Variants in DTHD1 observed in about 807,000 individuals in gnomAD.
DTHD1 encodes the protein death domain-containing protein 1.
In DTHD1, 59 loss-of-function variants were observed where a neutral mutation model predicts 74.8. The observed-to-expected ratio is 0.79, with a 90% CI of 0.64 to 0.98. The LOEUF (loss-of-function observed/expected upper bound fraction) is 0.98, where lower values mean the gene tolerates loss of function less well. Among genes scored for constraint, DTHD1 ranks in the 50% least tolerant of loss-of-function variants. DTHD1 has a pLI of 0.00. For missense variants in DTHD1, 1,051 were observed against 1,065.4 expected, an observed-to-expected ratio of 0.99 and a Z score of 0.19; for synonymous variants, 365 against 371.1, an observed-to-expected ratio of 0.98 and a Z score of 0.19.
rs1386542708 is a variant in DTHD1 at position 36,343,659 on chromosome 4, T to C, written c.2556T>C (p.Leu852=). 1.9e-6 allele frequency: 3 copies of C among 1,551,862 alleles called. No homozygotes were observed. The highest frequency in any genetic ancestry group is 2.6e-6 in the Non-Finnish European group (3 of 1,146,964). The change falls in exon 10 of 10, where the codon CTT becomes CTC. Residue 852 remains leucine, a synonymous_variant. Coordinates refer to ENST00000639862, the MANE Select transcript of DTHD1 (RefSeq NM_001170700.3). Reference sequence around the variant, plus strand: ...TCACAGAACAGATCCACGAGTTTCTTTGCTTCTGGAAAAAATCGCTTCCAA... The same window carrying C: ...TCACAGAACAGATCCACGAGTTTCTCTGCTTCTGGAAAAAATCGCTTCCAA... ...DDLTEQIHEF[L]CFWKKSLPTF... is the part of the protein sequence containing the mutation.
chr4:36,286,196 A>G (rs1755701375), intron 2 of DTHD1, among the ~76,000 whole-genome samples: 1 of 152,210 alleles, frequency 6.6e-6, no homozygotes, highest in Non-Finnish European at 1.5e-5. Context: ...AACAACTGCT[A>G]AAGTAGTCTA....
Position 36,294,928 on chromosome 4 carries a change from T to G in DTHD1, c.1532T>G (p.Leu511Trp), listed in dbSNP as rs746352706. 1.9e-4 allele frequency: 290 copies of G among 1,551,836 alleles called. No individual in the cohort carries two copies. Among genetic ancestry groups the G allele is most frequent in the Non-Finnish European group, 2.3e-4 (269 of 1,146,836 alleles). ...TATCCTTTTCAGAAGCCAGTCACTT[T>G]GTTTTTACCTTGTTCTCCATACCTT... ...STYPFQKPVT[L>W]FLPCSPYLDK... The change falls in exon 5 of 10, where the codon TTG (leucine) becomes TGG (tryptophan). Residue 511 changes from leucine (L) to tryptophan (W), a missense_variant. Leu to Trp is a moderately conservative substitution (Grantham distance 61). Transcript: ENST00000639862.
chr4:36,306,850 T>A (rs980968137), intron 6 of DTHD1, among the ~76,000 whole-genome samples: 1 of 152,184 alleles, frequency 6.6e-6, no homozygotes, highest in South Asian at 2.1e-4. Context: ...TATTTCATAA[T>A]GGGAAGTTTT....
At chr4:36,320,119 AT>A (rs917912202) in intron 8 of DTHD1, among the ~76,000 whole-genome samples, 1 of 151,232 alleles carries the variant, frequency 6.6e-6, no homozygotes, top group Non-Finnish European at 1.5e-5. Flanking sequence ...TTTCTGAAAT[AT>A]TTTTTTTTCT....
chr4:36,344,117 G>T lies in DTHD1; in HGVS notation c.*293G>T, dbSNP rs1759474249. 2 of 307,160 alleles carry T rather than the reference G, an allele frequency of 6.5e-6. No homozygotes were observed. Among genetic ancestry groups the T allele is most frequent in the East Asian group, 6.0e-5 (1 of 16,562 alleles). 19.0% of individuals were successfully genotyped at this position (307,160 alleles called of 1,614,324 possible). ...AGTTTGACTTGTTCACATTTTAAAA[G>T]CTAAGTGTGAAGAAAAGATCTGATA... On this transcript the variant is annotated 3_prime_UTR_variant, in exon 10 of 10. Transcript: ENST00000639862.
At position 36,308,403 on chromosome 4, in the gene DTHD1, T is replaced by C; in HGVS notation, c.2005T>C (p.Phe669Leu). The change falls in exon 7 of 10, where the codon TTT (phenylalanine) becomes CTT (leucine). Residue 669 changes from phenylalanine to leucine, a missense_variant. Coordinates refer to ENST00000639862, the MANE Select transcript of DTHD1 (RefSeq NM_001170700.3). ...GCTTAAGGACCTGCACTTGGAAGGG[T>C]TTGGAGGACCTCCAGAGCCATCTCG... is the stretch of plus-strand genomic sequence containing the variant. Reference protein sequence around the residue: ...QVLKDLHLEGFGGPPEPSRHF... With the variant: ...QVLKDLHLEGLGGPPEPSRHF... 6.4e-7 allele frequency: 1 copy of C among 1,551,838 alleles called. No homozygotes were observed. Among genetic ancestry groups the C allele is most frequent in the East Asian group, 2.4e-5 (1 of 40,928 alleles).
At chr4:36,319,524 A>G (rs1757939498) in intron 8 of DTHD1, among the ~76,000 whole-genome samples, 2 of 152,192 alleles carry the variant, frequency 1.3e-5, no homozygotes, top group Admixed American at 1.3e-4. Flanking sequence ...AGAAAGCCTC[A>G]CGTTGCTTTG....
intron 8 of DTHD1, among the ~76,000 whole-genome samples, chr4:36,326,941 C>T (rs1454529107): frequency 6.6e-6 from 1 of 151,264 alleles, no homozygotes; most frequent in Non-Finnish European, 1.5e-5. Flanking sequence ...AAAAGCCAAA[C>T]CAAAACAAGG....
intron 8 of DTHD1, among the ~76,000 whole-genome samples, chr4:36,337,134 G>A (rs978824207): frequency 2.6e-5 from 4 of 152,162 alleles, no homozygotes; most frequent in African/African-American, 7.2e-5. Flanking sequence ...TGTGCAAAGC[G>A]AAAAGAGGGC....
chr4:36,313,464 CT>C (rs1266233075), intron 7 of DTHD1, among the ~76,000 whole-genome samples: 1 of 147,960 alleles, frequency 6.8e-6, no homozygotes, highest in East Asian at 2.0e-4. Flanking sequence ...TGCCACTTCT[CT>C]TTTTTTGGAT....
intron 8 of DTHD1, among the ~76,000 whole-genome samples, chr4:36,328,940 T>A (rs1360406733): frequency 6.6e-6 from 1 of 152,224 alleles, no homozygotes; most frequent in Non-Finnish European, 1.5e-5. Flanking sequence ...GGCCCTGTCA[T>A]TTGTAGACAT....
intron 7 of DTHD1, among the ~76,000 whole-genome samples, chr4:36,310,036 CT>C (rs1481304265): frequency 6.6e-6 from 1 of 152,100 alleles, no homozygotes; most frequent in Admixed American, 6.6e-5. Context: ...TGATTTTGTT[CT>C]TTTTTGTGGC....
In DTHD1 at chr4:36,281,739, T is replaced by C; in HGVS notation, c.-20T>C. On this transcript the variant is annotated 5_prime_UTR_variant, in exon 1 of 10. Coordinates refer to ENST00000639862, the MANE Select transcript of DTHD1 (RefSeq NM_001170700.3). ...TAGGCTTTGCTGGCAGGAGAGAAAA[T>C]ACCACTTTTGGATCATAAAATGGAT... is the stretch of plus-strand genomic sequence containing the variant. The C allele has an allele frequency of 8.1e-7, 1 of 1,234,994 alleles. No individual in the cohort carries two copies. Among genetic ancestry groups the C allele is most frequent in the South Asian group, 4.1e-5 (1 of 24,516 alleles). 76.5% of individuals were successfully genotyped at this position (1,234,994 alleles called of 1,614,324 possible).
intron 5 of DTHD1, among the ~76,000 whole-genome samples, chr4:36,299,112 C>A (rs1334801183): frequency 6.6e-6 from 1 of 152,084 alleles, no homozygotes; most frequent in African/African-American, 2.4e-5. Context: ...AACCACTATT[C>A]TGAAATTTTC....
chr4:36,319,316 T>C (rs1476273589), intron 8 of DTHD1, among the ~76,000 whole-genome samples: 1 of 152,244 alleles, frequency 6.6e-6, no homozygotes, highest in African/African-American at 2.4e-5. Flanking sequence ...GGTCTATAGC[T>C]GTCTCCAGAT....
chr4:36,317,400 A>C (rs1349577422), intron 8 of DTHD1, among the ~76,000 whole-genome samples: 1 of 152,212 alleles, frequency 6.6e-6, no homozygotes, highest in Non-Finnish European at 1.5e-5. Context: ...AAATATGGCT[A>C]GTCTAAACTG....
chr4:36,284,520 G>T lies in DTHD1; in HGVS notation c.816G>T (p.Lys272Asn), dbSNP rs763224410. The T allele has an allele frequency of 2.6e-6, 4 of 1,535,896 alleles. No individual in the cohort carries two copies. The South Asian group carries it at 3.6e-5, about 14-fold the overall frequency. ...TTSSIICDIS[K>N]KYINSTLPND... ...CCTCAATAATATGTGATATCTCCAA[G>T]AAATATATAAATAGTACTCTTCCCA... The change falls in exon 2 of 10, where the codon AAG becomes AAT. Residue 272 changes from lysine to asparagine, a missense_variant. Transcript: ENST00000639862.
chr4:36,283,659 T>C (rs1755525474), intron 1 of DTHD1, among the ~76,000 whole-genome samples: 1 of 152,190 alleles, frequency 6.6e-6, no homozygotes, highest in South Asian at 2.1e-4. Flanking sequence ...TTGAGGGAGA[T>C]GTTGACTTCA....
At chr4:36,284,796 G>A (rs181566786) in intron 2 of DTHD1, among the ~76,000 whole-genome samples, 188 of 152,260 alleles carry the variant, frequency 1.2e-3, no homozygotes, top group African/African-American at 4.4e-3. Flanking sequence ...GTCTGGTGAG[G>A]GCTTTCTGGT....
Sources: allele counts gnomAD v4.1 joint callset (sites outside exome capture counted in the v4.1 genomes callset), GRCh38; gene constraint gnomAD v4.1.1; transcripts MANE v1.5; gene names NCBI Gene and HGNC (gene_info 2026-07-23, HGNC 2026-07-21).